PPIG: variants seen among roughly 807,000 people sequenced by gnomAD.
PPIG encodes peptidyl-prolyl cis-trans isomerase G.
A neutral mutation model predicts 87.9 loss-of-function variants in PPIG; 26 were observed. The ratio of observed to expected loss-of-function variants is 0.30; its 90% CI spans 0.22 to 0.41. The LOEUF is 0.41. PPIG is among the 10% of genes least tolerant of loss of function. PPIG has a pLI of 1.00. For synonymous variants in PPIG, 308 were observed against 276.5 expected, an observed-to-expected ratio of 1.11 and a Z score of -1.13; for missense variants, 722 against 879.4, an observed-to-expected ratio of 0.82 and a Z score of 2.26.
chr2:169,614,205 T>G (rs931700406), intron 7 of PPIG, among the ~76,000 whole-genome samples: 2 of 152,224 alleles, frequency 1.3e-5, no homozygotes, highest in Non-Finnish European at 2.9e-5. Context: ...AAATGTCTAT[T>G]TTAGTTACAT....
rs1409597200 is a variant in PPIG, at chr2:169,639,531, C to A, written c.*2008C>A. The A allele has an allele frequency of 1.3e-5, 2 of 151,792 alleles. No individual in the cohort carries two copies. The highest frequency in any genetic ancestry group is 6.6e-5 in the Admixed American group (1 of 15,238). 9.4% of individuals were successfully genotyped at this position (151,792 alleles called of 1,614,324 possible). On this transcript the variant is annotated 3_prime_UTR_variant, in exon 14 of 14. Coordinates refer to ENST00000260970, the MANE Select transcript of PPIG (RefSeq NM_004792.3). ...CAAATCTTAGAGTTTCAAAAAGTAA[C>A]CATAGGGAAAAAAATTGTAGTAATT... is the stretch of plus-strand genomic sequence containing the variant.
In PPIG at chr2:169,604,742, C is replaced by T. The variant is rs1216568220; in HGVS notation, c.136+481C>T. The stretch of plus-strand genomic sequence containing the variant: ...TACAAAAATTAGCCAAATGTGGTGG[C>T]GCACGCCTGTAGTCCCAGCTATTTG... On this transcript the variant is annotated intron_variant, in intron 4 of 13. Coordinates refer to ENST00000260970, the MANE Select transcript of PPIG (RefSeq NM_004792.3). 4.0e-5 allele frequency among the ~76,000 whole-genome samples: 6 copies of T among 151,362 alleles called. No homozygotes were observed. In the South Asian group the frequency reaches 6.3e-4, roughly 16 times the overall value.
At position 169,637,601 on chromosome 2, in the gene PPIG, GT is replaced by G; in HGVS notation, c.*82del. 7.6e-7 allele frequency: 1 copy of G among 1,308,708 alleles called. No homozygotes were observed. Among genetic ancestry groups the G allele is most frequent in the Non-Finnish European group, 1.0e-6 (1 of 988,808 alleles). 81.1% of individuals were successfully genotyped at this position (1,308,708 alleles called of 1,614,324 possible). On this transcript the variant is annotated 3_prime_UTR_variant, in exon 14 of 14. Transcript: ENST00000260970. Reference sequence around the variant, plus strand: ...CTTGCTAATGAATCTCCTTTATGTTGTTTTCCTTTTCATTGTTTTTGGATTG... The same window carrying G: ...CTTGCTAATGAATCTCCTTTATGTTGTTTCCTTTTCATTGTTTTTGGATTG...
chr2:169,626,641 T>C lies in PPIG; in HGVS notation c.548-4133T>C, dbSNP rs576188656. ...CTGACTTCAGGTGTTCTGCCTGCTT[T>C]GGCCTTCCAAAGTGCTGGGATTATA... On this transcript the variant is annotated intron_variant, in intron 9 of 13. Transcript: ENST00000260970. Among the ~76,000 whole-genome samples the C allele has an allele frequency of 6.6e-5, 10 of 152,132 alleles. No homozygotes were observed. In the East Asian group the frequency reaches 1.7e-3, roughly 26 times the overall value.
At chr2:169,589,938 C>T (rs1056829084) in intron 1 of PPIG, among the ~76,000 whole-genome samples, 4 of 151,728 alleles carry the variant, frequency 2.6e-5, no homozygotes, top group African/African-American at 9.7e-5. Context: ...GGAGAAACCC[C>T]GTCTCTACTA....
chr2:169,636,084 T>A lies in PPIG; in HGVS notation c.1018-8T>A. 6.3e-7 allele frequency: 1 copy of A among 1,585,224 alleles called. No homozygotes were observed. The highest frequency in any genetic ancestry group is 8.6e-7 in the Non-Finnish European group (1 of 1,167,510). On this transcript the variant is annotated splice_region_variant and splice_polypyrimidine_tract_variant and intron_variant, in intron 12 of 13. Transcript: ENST00000260970. ...ACATTAATTTTTCCCTATTTTAATT[T>A]TCTTTAGCGTTATCGAACTCCTTCC...
chr2:169,640,406 ATTTAT>A lies in PPIG; in HGVS notation c.*2888_*2892del, dbSNP rs1686284684. On this transcript the variant is annotated 3_prime_UTR_variant, in exon 14 of 14. Coordinates refer to ENST00000260970, the MANE Select transcript of PPIG (RefSeq NM_004792.3). The stretch of plus-strand genomic sequence containing the variant: ...TAGTGGTATTAACTTGACAATTCTA[ATTTAT>A]TTTAGTTAGTATATGTAGCAAGTTA... 1 of 152,152 alleles carries A rather than the reference ATTTAT, an allele frequency of 6.6e-6. No individual in the cohort carries two copies. Among genetic ancestry groups the A allele is most frequent in the Non-Finnish European group, 1.5e-5 (1 of 68,014 alleles). 9.4% of individuals were successfully genotyped at this position (152,152 alleles called of 1,614,324 possible). A position where few individuals can be genotyped will look rare whatever the true frequency, so the allele number is the denominator to read the frequency against.
At chr2:169,608,583 A>AT in intron 6 of PPIG, 88 bp from the exon 7 acceptor site, 1 of 717,628 alleles carries the variant, frequency 1.4e-6, no homozygotes. Flanking sequence ...GTGGCACTAA[A>AT]TAATACATCA....
At chr2:169,609,911 G>C (rs1030373113) in intron 7 of PPIG, among the ~76,000 whole-genome samples, 2 of 152,142 alleles carry the variant, frequency 1.3e-5, no homozygotes, top group Non-Finnish European at 2.9e-5. Flanking sequence ...ATAAAATGCA[G>C]TCAGTTCTCA....
At chr2:169,604,372 A>G (rs1374018848) in intron 4 of PPIG, 111 bp downstream of exon 4, 5 of 866,718 alleles carry the variant, frequency 5.8e-6, no homozygotes, top group African/African-American at 4.1e-5. Flanking sequence ...GGATCTTGCA[A>G]CGTTGTCCAA....
chr2:169,596,230 A>G (rs1243191559), intron 1 of PPIG, among the ~76,000 whole-genome samples: 2 of 151,496 alleles, frequency 1.3e-5, no homozygotes, highest in Non-Finnish European at 2.9e-5. Flanking sequence ...TCAGCCTCCC[A>G]GGTAGCTGGG....
chr2:169,612,883 A>G (rs1196580924), intron 7 of PPIG, among the ~76,000 whole-genome samples: 1 of 151,972 alleles, frequency 6.6e-6, no homozygotes, highest in Non-Finnish European at 1.5e-5. Flanking sequence ...ATATGCTAAT[A>G]CTCTGTTTAG....
intron 1 of PPIG, among the ~76,000 whole-genome samples, chr2:169,598,692 T>C (rs914286529): frequency 2.0e-5 from 3 of 151,924 alleles, no homozygotes; most frequent in Admixed American, 6.6e-5. Context: ...TTTCTCATTC[T>C]TTCTAATAGC....
At chr2:169,633,699 A>T (rs2105521817) in intron 12 of PPIG, 1 of 174,266 alleles carries the variant, frequency 5.7e-6, no homozygotes, top group Middle Eastern at 2.7e-3. Flanking sequence ...CAAGCATTTT[A>T]GTTGTCTTCC....
At chr2:169,590,289 G>A (rs10497350) in intron 1 of PPIG, among the ~76,000 whole-genome samples, 19,497 of 152,074 alleles carry the variant, frequency 0.13, 1,365 homozygotes, top group South Asian at 0.26. Flanking sequence ...CAAAGGTTTC[G>A]AATTGTTGGA....
rs777690234 is a variant in PPIG, at chr2:169,592,303, C to CTTT, written c.-70+7830_-70+7832dup. 7.7e-3 allele frequency among the ~76,000 whole-genome samples: 721 copies of CTTT among 93,578 alleles called. 45 individuals carry two copies. Among genetic ancestry groups the CTTT allele is most frequent in the Non-Finnish European group, 9.7e-3 (499 of 51,654 alleles). 61.4% of individuals were successfully genotyped at this position (93,578 alleles called of 152,430 possible). The stretch of plus-strand genomic sequence containing the variant: ...GCATCTGGTTTCAGATGTCTTTTTT[C>CTTT]TTTTTTTTTTTTTTTTTTTGAGATG... On this transcript the variant is annotated intron_variant, in intron 1 of 13. Coordinates refer to ENST00000260970, the MANE Select transcript of PPIG (RefSeq NM_004792.3).
chr2:169,606,681 A>G (rs982706548), intron 5 of PPIG, among the ~76,000 whole-genome samples: 12 of 151,826 alleles, frequency 7.9e-5, no homozygotes, highest in African/African-American at 2.4e-4. Flanking sequence ...ATACAAAACA[A>G]CACTGCATTC....
At chr2:169,631,568 G>C (rs1049660660) in intron 10 of PPIG, 198 bp from the exon 11 acceptor site, 1 of 1,342,372 alleles carries the variant, frequency 7.4e-7, no homozygotes, top group Non-Finnish European at 9.5e-7. Flanking sequence ...TAATCGAAAC[G>C]TTTTGTTTTG....
At chr2:169,617,747 T>C (rs138864000) in intron 9 of PPIG, among the ~76,000 whole-genome samples, 1 of 152,338 alleles carries the variant, frequency 6.6e-6, no homozygotes, top group African/African-American at 2.4e-5. Context: ...CTTAAGGAGA[T>C]ATGGGGCTGA....
Sources: allele counts gnomAD v4.1 joint callset (sites outside exome capture counted in the v4.1 genomes callset), GRCh38; gene constraint gnomAD v4.1.1; transcripts MANE v1.5; gene names NCBI Gene and HGNC (gene_info 2026-07-23, HGNC 2026-07-21).